Variants in NRG1 observed in about 807,000 individuals in gnomAD.
NRG1 encodes neuregulin 1.
Under a neutral mutation model 63.8 loss-of-function variants are expected in NRG1, and 18 were observed. The ratio of observed to expected loss-of-function variants is 0.28; its 90% CI spans 0.19 to 0.42. NRG1 has a LOEUF of 0.42. Ranked by LOEUF, NRG1 falls within the 10% of genes least tolerant of loss-of-function variation. The probability of loss-of-function intolerance (pLI) is 1.00; values close to 1 mark genes in which losing one functional copy is unlikely to be tolerated. For missense variants in NRG1, 762 were observed against 814.7 expected (o/e 0.94, Z 0.79); for synonymous variants, 302 against 301.3 (o/e 1.00, Z -0.02).
intron 1 of NRG1, among the ~76,000 whole-genome samples, chr8:31,749,462 T>C (rs939570036): frequency 6.6e-6 from 1 of 151,840 alleles, no homozygotes; most frequent in Non-Finnish European, 1.5e-5. Flanking sequence ...TAGAAAAAGA[T>C]TGAAGAAGTG....
chr8:31,881,356 A>G (rs1830331972), intron 1 of NRG1, among the ~76,000 whole-genome samples: 2 of 152,188 alleles, frequency 1.3e-5, no homozygotes, highest in Non-Finnish European at 2.9e-5. Flanking sequence ...AACCATGCCC[A>G]TGTAGGTTGC....
At chr8:32,268,571 G>A (rs769390555) in intron 1 of NRG1, among the ~76,000 whole-genome samples, 1 of 152,156 alleles carries the variant, frequency 6.6e-6, no homozygotes, top group Non-Finnish European at 1.5e-5. Flanking sequence ...ATGTGCATGT[G>A]TGTGTGTGTC....
intron 1 of NRG1, among the ~76,000 whole-genome samples, chr8:32,054,106 CA>C (rs1252401372): frequency 6.6e-6 from 1 of 152,150 alleles, no homozygotes; most frequent in Admixed American, 6.5e-5. Context: ...TAATCAGATA[CA>C]AAGAACTGTT....
At chr8:31,774,277 G>C (rs1293032223) in intron 1 of NRG1, among the ~76,000 whole-genome samples, 3 of 151,974 alleles carry the variant, frequency 2.0e-5, no homozygotes, top group African/African-American at 7.3e-5. Flanking sequence ...TGATCAACAT[G>C]TAATCACTCC....
chr8:32,347,107 G>T (rs984705530), intron 1 of NRG1, among the ~76,000 whole-genome samples: 1 of 152,090 alleles, frequency 6.6e-6, no homozygotes, highest in African/African-American at 2.4e-5. Context: ...GGGATTACGG[G>T]CATGAGCCAC....
intron 1 of NRG1, among the ~76,000 whole-genome samples, chr8:32,154,520 C>A (rs1454579771): frequency 6.6e-6 from 1 of 152,036 alleles, no homozygotes. Flanking sequence ...GCCCTTCTCT[C>A]TTCCTCCTTC....
At chr8:32,525,391 GGTGTGTGT>G (rs200594879) in intron 1 of NRG1, among the ~76,000 whole-genome samples, 10 of 145,790 alleles carry the variant, frequency 6.9e-5, no homozygotes, top group Admixed American at 2.0e-4. Flanking sequence ...ATGAGGTAGG[GGTGTGTGT>G]GTGTGTGTGT....
At chr8:32,512,830 G>A (rs1390249796) in intron 1 of NRG1, among the ~76,000 whole-genome samples, 1 of 152,090 alleles carries the variant, frequency 6.6e-6, no homozygotes, top group African/African-American at 2.4e-5. Context: ...GTTTGAATTT[G>A]TTTATAATAA....
At chr8:31,979,018 A>G (rs779634950) in intron 1 of NRG1, among the ~76,000 whole-genome samples, 5 of 152,188 alleles carry the variant, frequency 3.3e-5, no homozygotes, top group African/African-American at 4.8e-5. Flanking sequence ...CTATGTGATA[A>G]AGTCAGAACT....
intron 1 of NRG1, among the ~76,000 whole-genome samples, chr8:32,212,456 G>T (rs1187780565): frequency 6.6e-6 from 1 of 152,032 alleles, no homozygotes; most frequent in Non-Finnish European, 1.5e-5. Context: ...TGAAAACATG[G>T]CTAGAATGAT....
intron 5 of NRG1, among the ~76,000 whole-genome samples, chr8:32,711,986 C>T (rs961185906): frequency 6.6e-6 from 1 of 152,126 alleles, no homozygotes; most frequent in African/African-American, 2.4e-5. Context: ...AGTTGGATAA[C>T]GGATGGCAGA....
intron 5 of NRG1, chr8:32,647,910 G>A: frequency 6.2e-7 from 1 of 1,614,124 alleles, no homozygotes; most frequent in East Asian, 2.2e-5. Flanking sequence ...CCTAGAAGCT[G>A]AGCGCCTGAG....
chr8:31,938,254 T>C (rs1329148964), intron 1 of NRG1, among the ~76,000 whole-genome samples: 1 of 152,054 alleles, frequency 6.6e-6, no homozygotes, highest in Non-Finnish European at 1.5e-5. Flanking sequence ...TATTCCCCAG[T>C]ACAAGCCCAG....
chr8:32,170,558 T>C (rs1294277434), intron 1 of NRG1, among the ~76,000 whole-genome samples: 2 of 152,342 alleles, frequency 1.3e-5, no homozygotes, highest in African/African-American at 4.8e-5. Flanking sequence ...CACTGGATGT[T>C]CAGGCAAAAC....
At chr8:32,046,565 A>G (rs1450148115) in intron 1 of NRG1, among the ~76,000 whole-genome samples, 1 of 152,132 alleles carries the variant, frequency 6.6e-6, no homozygotes, top group Non-Finnish European at 1.5e-5. Flanking sequence ...CAACAGGTGA[A>G]TAGAAAAACA....
intron 1 of NRG1, among the ~76,000 whole-genome samples, chr8:31,705,116 A>T (rs985822283): frequency 1.3e-5 from 2 of 151,834 alleles, no homozygotes; most frequent in African/African-American, 2.4e-5. Flanking sequence ...GCTGACTGCA[A>T]CCTCTGCCCC....
chr8:31,861,562 AG>A (rs1828474518), intron 1 of NRG1, among the ~76,000 whole-genome samples: 1 of 152,170 alleles, frequency 6.6e-6, no homozygotes. Context: ...TTTCTCACAT[AG>A]GGGTCATCAC....
chr8:31,905,148 C>A (rs1051319166), intron 1 of NRG1, among the ~76,000 whole-genome samples: 4 of 151,862 alleles, frequency 2.6e-5, no homozygotes, highest in Admixed American at 1.3e-4. Flanking sequence ...GCATAGAGTC[C>A]CAGAGAGAGA....
At chr8:32,281,280 G>A (rs943588875) in intron 1 of NRG1, among the ~76,000 whole-genome samples, 27 of 144,188 alleles carry the variant, frequency 1.9e-4, no homozygotes, top group Non-Finnish European at 7.5e-5. Flanking sequence ...GAGTTCAAGC[G>A]ATTCCCCCTG....
Sources: gnomAD v4.1 joint callset for allele counts (sites outside exome capture counted in the v4.1 genomes callset) on GRCh38, gnomAD v4.1.1 for gene constraint, MANE v1.5 for transcripts, NCBI Gene and HGNC (gene_info 2026-07-23, HGNC 2026-07-21) for gene names.